Variants in MUC7 observed in about 807,000 individuals in gnomAD.
MUC7 encodes mucin 7, secreted, also known as mucin-7.
MUC7 carries 2 observed loss-of-function variants against 2.5 expected under a neutral mutation model. That is an observed-to-expected ratio of 0.81 (90% CI 0.33 to 2.55). The LOEUF is 2.55. MUC7 is among the 30% of genes most tolerant of loss of function. The pLI is 0.11. For synonymous variants in MUC7, 133 were observed against 173.4 expected (o/e 0.77, Z 1.83); for missense variants, 408 against 455.6 (o/e 0.90, Z 0.95).
chr4:70,431,257 C>T (rs1201598397), intron 1 of MUC7, among the ~76,000 whole-genome samples: 2 of 151,708 alleles, frequency 1.3e-5, no homozygotes, highest in Admixed American at 6.6e-5. Context: ...ATTGTATTTA[C>T]TTTTTTTTCA....
intron 1 of MUC7, among the ~76,000 whole-genome samples, chr4:70,453,591 C>T (rs758930515): frequency 6.6e-6 from 1 of 151,388 alleles, no homozygotes; most frequent in Non-Finnish European, 1.5e-5. Context: ...ACTGGAGACC[C>T]CAAGAGCCCA....
upstream of MUC7, among the ~76,000 whole-genome samples, chr4:70,467,733 A>G (rs557766687): frequency 2.0e-5 from 3 of 152,236 alleles, no homozygotes; most frequent in Non-Finnish European, 2.9e-5. Flanking sequence ...CCCTGAATAG[A>G]CCAATAACAA....
upstream of MUC7, among the ~76,000 whole-genome samples, chr4:70,471,298 A>G (rs1734827573): frequency 6.6e-6 from 1 of 152,144 alleles, no homozygotes; most frequent in Non-Finnish European, 1.5e-5. Context: ...AATGGGAGAA[A>G]ATTTTCTGGG....
chr4:70,453,794 A>G (rs1034553017), intron 1 of MUC7, among the ~76,000 whole-genome samples: 1 of 152,074 alleles, frequency 6.6e-6, no homozygotes, highest in African/African-American at 2.4e-5. Flanking sequence ...CAGCAGCAAT[A>G]TGGCATACTA....
intron 2 of MUC7, among the ~76,000 whole-genome samples, chr4:70,475,561 C>A (rs1334035280): frequency 1.3e-5 from 2 of 151,968 alleles, no homozygotes; most frequent in Non-Finnish European, 2.9e-5. Flanking sequence ...CTTCCAAAAC[C>A]AAGAGAAGAC....
upstream of MUC7, among the ~76,000 whole-genome samples, chr4:70,468,933 G>T (rs187357494): frequency 6.6e-6 from 1 of 152,188 alleles, no homozygotes; most frequent in East Asian, 1.9e-4. Flanking sequence ...AACCAAAAAA[G>T]AACCCGTATA....
At chr4:70,436,406 C>CT (rs1192403416) in intron 1 of MUC7, among the ~76,000 whole-genome samples, 2 of 152,042 alleles carry the variant, frequency 1.3e-5, no homozygotes, top group Middle Eastern at 3.4e-3. Flanking sequence ...TTTCTTTTCA[C>CT]TTTTTTTTCT....
intron 1 of MUC7, among the ~76,000 whole-genome samples, chr4:70,446,817 G>C (rs1734152749): frequency 6.6e-6 from 1 of 152,124 alleles, no homozygotes; most frequent in Non-Finnish European, 1.5e-5. Context: ...AGAACAGAAT[G>C]TTGGTTTAGA....
At chr4:70,439,428 T>G (rs1403195600) in intron 1 of MUC7, among the ~76,000 whole-genome samples, 1 of 152,162 alleles carries the variant, frequency 6.6e-6, no homozygotes, top group Admixed American at 6.5e-5. Context: ...ACTTTTGTTT[T>G]TAAAAGCACT....
chr4:70,454,440 T>C (rs1265645328), intron 1 of MUC7, among the ~76,000 whole-genome samples: 1 of 152,066 alleles, frequency 6.6e-6, no homozygotes, highest in African/African-American at 2.4e-5. Flanking sequence ...AAGCACTGAG[T>C]CCAATGAACA....
intron 1 of MUC7, among the ~76,000 whole-genome samples, chr4:70,449,510 G>A (rs561605476): frequency 5.1e-4 from 78 of 152,250 alleles, no homozygotes; most frequent in African/African-American, 1.8e-3. Flanking sequence ...AATTATGGGA[G>A]CTCCAATTCA....
intron 1 of MUC7, among the ~76,000 whole-genome samples, chr4:70,445,730 T>G (rs147790906): frequency 3.9e-5 from 6 of 152,320 alleles, no homozygotes; most frequent in African/African-American, 1.4e-4. Flanking sequence ...AAGAGGTTCG[T>G]ATAATAGACA....
rs538889857 is a variant in MUC7 at position 70,479,349 on chromosome 4, G to T, written c.55-1450G>T. 7.2e-5 allele frequency among the ~76,000 whole-genome samples: 11 copies of T among 152,252 alleles called. No individual in the cohort carries two copies. The South Asian group carries it at 1.7e-3, about 23-fold the overall frequency. On this transcript the variant is annotated intron_variant, in intron 2 of 2. Coordinates refer to ENST00000304887, the MANE Select transcript of MUC7 (RefSeq NM_152291.3). ...CCAGTACCTAGAAGCTATTTTTGAG[G>T]TTGGATATATTAGTCTCTGAGGAAG...
upstream of MUC7, among the ~76,000 whole-genome samples, chr4:70,469,477 AG>A (rs1286275497): frequency 6.6e-6 from 1 of 152,212 alleles, no homozygotes; most frequent in Non-Finnish European, 1.5e-5. Context: ...GGCAGCCTAG[AG>A]AATGGGACAA....
chr4:70,437,997 AT>A (rs2109701748), intron 1 of MUC7, among the ~76,000 whole-genome samples: 1 of 152,290 alleles, frequency 6.6e-6, no homozygotes, highest in African/African-American at 2.4e-5. Flanking sequence ...ACTATAAATA[AT>A]TTTTAAAAGA....
chr4:70,478,372 G>T (rs1577916694), intron 2 of MUC7, among the ~76,000 whole-genome samples: 2 of 152,274 alleles, frequency 1.3e-5, no homozygotes, highest in African/African-American at 4.8e-5. Context: ...ACTTACAGAG[G>T]TGAATCAAAG....
chr4:70,475,239 A>T (rs1734962763), intron 2 of MUC7, among the ~76,000 whole-genome samples: 1 of 152,200 alleles, frequency 6.6e-6, no homozygotes, highest in African/African-American at 2.4e-5. Flanking sequence ...AGATTGCATC[A>T]CTGCACTACA....
chr4:70,432,388 C>T (rs1733696413), intron 1 of MUC7, among the ~76,000 whole-genome samples: 1 of 152,188 alleles, frequency 6.6e-6, no homozygotes, highest in Non-Finnish European at 1.5e-5. Flanking sequence ...TTCCATTTCT[C>T]CACATCCTCT....
At chr4:70,433,438 T>C (rs1380680803) in intron 1 of MUC7, among the ~76,000 whole-genome samples, 8 of 152,216 alleles carry the variant, frequency 5.3e-5, no homozygotes, top group African/African-American at 9.7e-5. Flanking sequence ...CTTGAAGAGA[T>C]CCTTCACATC....
Sources: gnomAD v4.1 joint callset for allele counts (sites outside exome capture counted in the v4.1 genomes callset) on GRCh38, gnomAD v4.1.1 for gene constraint, MANE v1.5 for transcripts, NCBI Gene and HGNC (gene_info 2026-07-23, HGNC 2026-07-21) for gene names.